Variants in HS3ST5 observed in about 807,000 individuals in gnomAD.
HS3ST5 encodes the protein heparan sulfate-glucosamine 3-sulfotransferase 5.
Under a neutral mutation model 25.4 loss-of-function variants are expected in HS3ST5, and 10 were observed. The observed-to-expected ratio is 0.39, with a 90% CI of 0.24 to 0.67. The LOEUF is 0.67. HS3ST5 is among the 30% of genes least tolerant of loss of function. HS3ST5 has a pLI of 0.44. For synonymous variants in HS3ST5, 170 were observed against 162.4 expected (o/e 1.05, Z -0.36); for missense variants, 324 against 420.7 (o/e 0.77, Z 2.01).
At chr6:114,304,094 CA>C in intron 1 of HS3ST5, among the ~76,000 whole-genome samples, 1 of 151,872 alleles carries the variant, frequency 6.6e-6, no homozygotes, top group African/African-American at 2.4e-5. Context: ...TACAAGATGT[CA>C]GAAGTATTTC....
intron 3 of HS3ST5, among the ~76,000 whole-genome samples, chr6:114,072,372 C>T (rs190051659): frequency 6.6e-6 from 1 of 152,230 alleles, no homozygotes; most frequent in Non-Finnish European, 1.5e-5. Flanking sequence ...CATCCACTGG[C>T]ATGCTACAGC....
At chr6:114,294,571 G>C (rs1011436895) in intron 1 of HS3ST5, among the ~76,000 whole-genome samples, 1 of 149,108 alleles carries the variant, frequency 6.7e-6, no homozygotes, top group Non-Finnish European at 1.5e-5. Flanking sequence ...TCAGCCTCCC[G>C]AGTAGCTGGG....
intron 1 of HS3ST5, among the ~76,000 whole-genome samples, chr6:114,237,607 A>G (rs1771918596): frequency 6.6e-6 from 1 of 152,190 alleles, no homozygotes; most frequent in Admixed American, 6.5e-5. Context: ...GAAGTTCCCC[A>G]TGTGATTTTA....
chr6:114,104,593 C>G (rs1205005822), intron 3 of HS3ST5, among the ~76,000 whole-genome samples: 1 of 152,164 alleles, frequency 6.6e-6, no homozygotes, highest in African/African-American at 2.4e-5. Flanking sequence ...CGGTTGTGTT[C>G]AGCAACATGT....
intron 1 of HS3ST5, among the ~76,000 whole-genome samples, chr6:114,243,531 T>C (rs1772238728): frequency 6.6e-6 from 1 of 152,232 alleles, no homozygotes; most frequent in Admixed American, 6.5e-5. Context: ...TTCTAGGACT[T>C]AAGTGGAATT....
chr6:114,179,654 GTTT>G (rs5879251), intron 2 of HS3ST5, among the ~76,000 whole-genome samples: 60 of 91,592 alleles, frequency 6.6e-4, no homozygotes, highest in African/African-American at 1.3e-3. Flanking sequence ...ATTAGTCAGG[GTTT>G]TTTTTTTTTT....
At chr6:114,210,053 A>G (rs1390504520) in intron 2 of HS3ST5, among the ~76,000 whole-genome samples, 1 of 152,216 alleles carries the variant, frequency 6.6e-6, no homozygotes, top group African/African-American at 2.4e-5. Context: ...AACAAAATTG[A>G]TATGTCATCC....
rs745576489 is a variant in HS3ST5, at chr6:114,057,947, G to T, written c.351C>A (p.Val117=). 1 of 1,614,046 alleles carries T rather than the reference G, an allele frequency of 6.2e-7. No homozygotes were observed. Among genetic ancestry groups the T allele is most frequent in the African/African-American group, 1.3e-5 (1 of 74,916 alleles). ...LEMLNLHPAV[V]KASQEIHFFD... ...AAAAGTGGATTTCTTGAGAGGCTTT[G>T]ACTACTGCCGGATGTAGGTTCAGCA... The change falls in exon 5 of 5, where the codon GTC becomes GTA. Residue 117 remains valine (V), a synonymous_variant. Coordinates refer to ENST00000312719, the MANE Select transcript of HS3ST5 (RefSeq NM_153612.4).
At chr6:114,169,864 G>A (rs567760866) in intron 2 of HS3ST5, among the ~76,000 whole-genome samples, 1 of 152,248 alleles carries the variant, frequency 6.6e-6, no homozygotes, top group African/African-American at 2.4e-5. Flanking sequence ...GTAATTGCAG[G>A]TATTTAGTTC....
intron 2 of HS3ST5, among the ~76,000 whole-genome samples, chr6:114,173,460 T>C (rs576072697): frequency 2.0e-5 from 3 of 152,330 alleles, no homozygotes; most frequent in African/African-American, 7.2e-5. Context: ...AATTATAAAT[T>C]AGTAATAAGA....
At chr6:114,263,271 A>T (rs959085248) in intron 1 of HS3ST5, among the ~76,000 whole-genome samples, 6 of 152,100 alleles carry the variant, frequency 3.9e-5, no homozygotes, top group Non-Finnish European at 8.8e-5. Context: ...GATTTTTATT[A>T]ACTTATTATA....
Position 114,057,539 on chromosome 6 carries a change from G to A in HS3ST5, c.759C>T (p.Val253=), listed in dbSNP as rs758394839. 2.5e-6 allele frequency: 4 copies of A among 1,614,036 alleles called. No homozygotes were observed. Among genetic ancestry groups the A allele is most frequent in the Middle Eastern group, 1.6e-4 (1 of 6,084 alleles). The change falls in exon 5 of 5, where the codon GTC becomes GTT. Residue 253 remains valine (V), a synonymous_variant. Coordinates refer to ENST00000312719, the MANE Select transcript of HS3ST5 (RefSeq NM_153612.4). ...GTTCCGTGATGAGGCGATCTCCATCGACGACATGAAATTGCTCAATTGGAA... is the reference window on the plus strand; with the variant it reads ...GTTCCGTGATGAGGCGATCTCCATCAACGACATGAAATTGCTCAATTGGAA... ...KYFPIEQFHV[V]DGDRLITEPL...
intron 1 of HS3ST5, among the ~76,000 whole-genome samples, chr6:114,277,464 C>T (rs557798136): frequency 1.9e-3 from 285 of 148,332 alleles, no homozygotes; most frequent in African/African-American, 6.7e-3. Context: ...TTTGCACCAA[C>T]CTAATACACT....
intron 3 of HS3ST5, among the ~76,000 whole-genome samples, chr6:114,152,135 G>C (rs182145217): frequency 1.5e-4 from 23 of 152,104 alleles, no homozygotes; most frequent in Admixed American, 9.2e-4. Context: ...TGTTAGCCAG[G>C]ATGGTCTCGA....
chr6:114,152,339 G>C (rs183438680), intron 3 of HS3ST5, among the ~76,000 whole-genome samples: 1 of 152,150 alleles, frequency 6.6e-6, no homozygotes, highest in Admixed American at 6.6e-5. Context: ...CTTTGTTTCA[G>C]TGTACACATC....
intron 2 of HS3ST5, among the ~76,000 whole-genome samples, chr6:114,227,522 A>T (rs1429167669): frequency 6.6e-6 from 1 of 152,038 alleles, no homozygotes; most frequent in African/African-American, 2.4e-5. Context: ...AAATTATAAA[A>T]ATGAAGTTGC....
intron 1 of HS3ST5, among the ~76,000 whole-genome samples, chr6:114,255,879 G>A (rs922348391): frequency 2.0e-5 from 3 of 152,096 alleles, no homozygotes; most frequent in Non-Finnish European, 4.4e-5. Context: ...AGGGGCTGCT[G>A]CAAAGGTCTC....
At chr6:114,256,742 A>C (rs1278246219) in intron 1 of HS3ST5, among the ~76,000 whole-genome samples, 1 of 152,060 alleles carries the variant, frequency 6.6e-6, no homozygotes, top group Non-Finnish European at 1.5e-5. Context: ...GAGCCCTCCA[A>C]ACTGTTCCAA....
chr6:114,145,389 T>G (rs576056513), intron 3 of HS3ST5, among the ~76,000 whole-genome samples: 110 of 152,310 alleles, frequency 7.2e-4, no homozygotes, highest in Non-Finnish European at 1.4e-3. Flanking sequence ...AGGTATTATT[T>G]GCAGTGGTCC....
Sources: gnomAD v4.1 joint callset for allele counts (sites outside exome capture counted in the v4.1 genomes callset) on GRCh38, gnomAD v4.1.1 for gene constraint, MANE v1.5 for transcripts, NCBI Gene and HGNC (gene_info 2026-07-23, HGNC 2026-07-21) for gene names.